The following CNTNAP5 variants were observed in gnomAD, a reference collection of about 807,000 sequenced individuals.
The protein encoded by CNTNAP5 is contactin associated protein family member 5, also known as contactin-associated protein-like 5.
CNTNAP5 carries 72 observed loss-of-function variants against 150.2 expected under a neutral mutation model. The ratio of observed to expected loss-of-function variants is 0.48; its 90% confidence interval spans 0.40 to 0.58. The LOEUF is 0.58. CNTNAP5 is among the 20% of genes least tolerant of loss of function. The pLI is 0.00. For missense variants in CNTNAP5, 1,636 were observed against 1,626.2 expected (o/e 1.01, Z -0.10); for synonymous variants, 672 against 619.8 (o/e 1.08, Z -1.25).
At chr2:124,196,203 G>T (rs1030708329) in intron 1 of CNTNAP5, among the ~76,000 whole-genome samples, 2 of 152,080 alleles carry the variant, frequency 1.3e-5, no homozygotes, top group South Asian at 4.1e-4. Flanking sequence ...GAGCTGTCAC[G>T]CAATGAAAGT....
At position 124,572,266 on chromosome 2, in the gene CNTNAP5, G is replaced by A. The variant is rs376628518; in HGVS notation, c.1756+8943G>A. Among the ~76,000 whole-genome samples the A allele has an allele frequency of 8.5e-4, 130 of 152,074 alleles. 3 individuals are homozygous for A. Among genetic ancestry groups the A allele is most frequent in the Middle Eastern group, 3.4e-3 (1 of 294 alleles). Reference sequence around the variant, plus strand: ...TCTGAGCAGGCTGAACTGGATGTGAGAAAGTCTTCTTAAAAGGAAACAGCA... The same window carrying A: ...TCTGAGCAGGCTGAACTGGATGTGAAAAAGTCTTCTTAAAAGGAAACAGCA... On this transcript the variant is annotated intron_variant, in intron 11 of 23. Transcript: ENST00000682447.
intron 1 of CNTNAP5, among the ~76,000 whole-genome samples, chr2:124,090,721 G>A (rs532879220): frequency 6.6e-6 from 1 of 152,138 alleles, no homozygotes; most frequent in Non-Finnish European, 1.5e-5. Context: ...GTCTACCATT[G>A]TATTAGCCAT....
chr2:124,263,464 C>T (rs7583384), intron 3 of CNTNAP5, among the ~76,000 whole-genome samples: 41,579 of 151,934 alleles, frequency 0.27, 5,966 homozygotes, highest in South Asian at 0.48. Context: ...GAGAAGTGTC[C>T]GTTCATATCC....
At chr2:124,234,323 A>C (rs1686694737) in intron 2 of CNTNAP5, among the ~76,000 whole-genome samples, 1 of 152,200 alleles carries the variant, frequency 6.6e-6, no homozygotes, top group Non-Finnish European at 1.5e-5. Flanking sequence ...GAAATTTTAC[A>C]ACAGCACTGG....
intron 3 of CNTNAP5, among the ~76,000 whole-genome samples, chr2:124,376,038 T>G (rs949247456): frequency 6.6e-6 from 1 of 152,032 alleles, no homozygotes; most frequent in Non-Finnish European, 1.5e-5. Context: ...ATATTTTTCA[T>G]AAGAACTGAA....
At chr2:124,642,671 C>A (rs1678118339) in intron 12 of CNTNAP5, among the ~76,000 whole-genome samples, 1 of 152,166 alleles carries the variant, frequency 6.6e-6, no homozygotes, top group Non-Finnish European at 1.5e-5. Context: ...TTTATAACAG[C>A]CTCAGACATT....
At chr2:124,511,224 C>A (rs753077611) in intron 8 of CNTNAP5, among the ~76,000 whole-genome samples, 2 of 152,176 alleles carry the variant, frequency 1.3e-5, no homozygotes, top group Admixed American at 1.3e-4. Flanking sequence ...ATAGGGCAGA[C>A]TGTTTTGAAT....
At position 124,519,992 on chromosome 2, in the gene CNTNAP5, G is replaced by GT. The variant is rs1399534880; in HGVS notation, c.1328-4304dup. On this transcript the variant is annotated intron_variant, in intron 8 of 23. Coordinates refer to ENST00000682447, the MANE Select transcript of CNTNAP5 (RefSeq NM_001367498.1). ...TATTTCAGCTTAAACAGTTTATCAG[G>GT]TTTTTTTAAGATTATAAAAAATGTA... is the stretch of plus-strand genomic sequence containing the variant. 5.3e-5 allele frequency among the ~76,000 whole-genome samples: 8 copies of GT among 152,156 alleles called. No individual in the cohort carries two copies. In the South Asian group the frequency reaches 6.2e-4, roughly 12 times the overall value.
intron 3 of CNTNAP5, among the ~76,000 whole-genome samples, chr2:124,342,715 G>C (rs542975221): frequency 1.3e-4 from 20 of 152,090 alleles, no homozygotes; most frequent in Non-Finnish European, 2.2e-4. Flanking sequence ...TTTCAATTCT[G>C]TTCACAAAAG....
chr2:124,224,755 AG>A (rs1686415230), intron 2 of CNTNAP5, among the ~76,000 whole-genome samples: 1 of 152,120 alleles, frequency 6.6e-6, no homozygotes, highest in African/African-American at 2.4e-5. Context: ...AATGCTATTA[AG>A]AACAGATTTT....
At chr2:124,754,355 G>A (rs1314068503) in intron 14 of CNTNAP5, among the ~76,000 whole-genome samples, 1 of 152,090 alleles carries the variant, frequency 6.6e-6, no homozygotes, top group Non-Finnish European at 1.5e-5. Context: ...AGTTTTGAAA[G>A]TGCTTGTTCT....
At chr2:124,865,912 C>G (rs1449887469) in intron 20 of CNTNAP5, among the ~76,000 whole-genome samples, 1 of 151,424 alleles carries the variant, frequency 6.6e-6, no homozygotes, top group East Asian at 2.0e-4. Context: ...CCATTGAACT[C>G]CAGCCTGGGA....
chr2:124,663,425 A>T (rs1412597917), intron 13 of CNTNAP5, among the ~76,000 whole-genome samples: 2 of 152,230 alleles, frequency 1.3e-5, no homozygotes, highest in Non-Finnish European at 2.9e-5. Context: ...TGAATGCATC[A>T]TTGACAAGGA....
intron 3 of CNTNAP5, among the ~76,000 whole-genome samples, chr2:124,306,208 A>G (rs1573904684): frequency 6.6e-6 from 1 of 152,294 alleles, no homozygotes; most frequent in South Asian, 2.1e-4. Context: ...GAATCAAATA[A>G]GATCCCAGCT....
chr2:124,036,842 T>C (rs1681235747), intron 1 of CNTNAP5, among the ~76,000 whole-genome samples: 1 of 152,172 alleles, frequency 6.6e-6, no homozygotes, highest in Non-Finnish European at 1.5e-5. Context: ...CAAGATTATA[T>C]AGCTATAGGT....
chr2:124,122,732 C>G (rs952897699), intron 1 of CNTNAP5, among the ~76,000 whole-genome samples: 1 of 149,776 alleles, frequency 6.7e-6, no homozygotes, highest in African/African-American at 2.5e-5. Context: ...TTTACAGATG[C>G]AAAACCAAAC....
At chr2:124,574,913 A>G (rs962940867) in intron 11 of CNTNAP5, among the ~76,000 whole-genome samples, 11 of 152,236 alleles carry the variant, frequency 7.2e-5, no homozygotes, top group Admixed American at 1.3e-4. Flanking sequence ...TATTTCAGCA[A>G]TGTGAGCCTC....
At chr2:124,423,495 G>A (rs1472618608) in intron 4 of CNTNAP5, among the ~76,000 whole-genome samples, 1 of 151,784 alleles carries the variant, frequency 6.6e-6, no homozygotes, top group African/African-American at 2.4e-5. Context: ...TTTAAATATG[G>A]GAAGCTAATT....
chr2:124,058,114 T>C (rs1157065376), intron 1 of CNTNAP5, among the ~76,000 whole-genome samples: 2 of 152,168 alleles, frequency 1.3e-5, no homozygotes, highest in Admixed American at 1.3e-4. Context: ...TGGAAGTGAA[T>C]GACCTACAGG....
Sources: allele counts gnomAD v4.1 joint callset (sites outside exome capture counted in the v4.1 genomes callset), GRCh38; gene constraint gnomAD v4.1.1; transcripts MANE v1.5; gene names NCBI Gene and HGNC (gene_info 2026-07-23, HGNC 2026-07-21).